SMCHD1: variants seen among roughly 807,000 people sequenced by gnomAD.
The protein encoded by SMCHD1 is structural maintenance of chromosomes flexible hinge domain-containing protein 1.
A neutral mutation model predicts 254.7 loss-of-function variants in SMCHD1; 78 were observed. That is an observed-to-expected ratio of 0.31 (90% CI 0.26 to 0.37). The LOEUF (loss-of-function observed/expected upper bound fraction) is 0.37. Among genes scored for constraint, SMCHD1 ranks in the 10% least tolerant of loss-of-function variants. SMCHD1 has a pLI of 1.00. For missense variants in SMCHD1, 1,840 were observed against 2,408.1 expected, an observed-to-expected ratio of 0.76 and a Z score of 4.94; for synonymous variants, 766 against 794.9, an observed-to-expected ratio of 0.96 and a Z score of 0.61.
intron 3 of SMCHD1, among the ~76,000 whole-genome samples, chr18:2,672,485 C>G (rs1230409875): frequency 6.6e-6 from 1 of 152,186 alleles, no homozygotes; most frequent in African/African-American, 2.4e-5. Context: ...GCCTCGGCCT[C>G]CCAAAGTGTT....
chr18:2,719,837 G>A lies in SMCHD1; in HGVS notation c.2458+1403G>A, dbSNP rs1023257140. 4.0e-5 allele frequency among the ~76,000 whole-genome samples: 6 copies of A among 151,796 alleles called. 1 individual carries two copies. Among genetic ancestry groups the A allele is most frequent in the South Asian group, 4.1e-4 (2 of 4,822 alleles). ...ATTACAGGCGTATGCCACCACGCCC[G>A]GCTAATTTTGTATTTTCAGTAGAGA... On this transcript the variant is annotated intron_variant, in intron 19 of 47. Coordinates refer to ENST00000320876, the MANE Select transcript of SMCHD1 (RefSeq NM_015295.3).
chr18:2,720,416 T>A (rs1333164654), intron 19 of SMCHD1, among the ~76,000 whole-genome samples: 3 of 152,232 alleles, frequency 2.0e-5, no homozygotes, highest in Non-Finnish European at 4.4e-5. Flanking sequence ...TGGGGGTTTT[T>A]CTTACAGCGT....
At chr18:2,776,064 A>T (rs1340501005) in intron 42 of SMCHD1, 140 bp downstream of exon 42, 1 of 746,646 alleles carries the variant, frequency 1.3e-6, no homozygotes, top group East Asian at 2.9e-5. Context: ...TTTTGTCTTC[A>T]TCACAAATGG....
At chr18:2,751,577 T>C (rs2075572525) in intron 33 of SMCHD1, among the ~76,000 whole-genome samples, 184 bp downstream of exon 33, 1 of 152,146 alleles carries the variant, frequency 6.6e-6, no homozygotes, top group Non-Finnish European at 1.5e-5. Context: ...ATTGATGCTA[T>C]TGAAAAAGAG....
At chr18:2,747,792 A>T in intron 30 of SMCHD1, 145 bp downstream of exon 30, 1 of 706,026 alleles carries the variant, frequency 1.4e-6, no homozygotes, top group Non-Finnish European at 2.2e-6. Context: ...AACCTCAAAA[A>T]TTTTTAAAAT....
At chr18:2,748,382 G>GTT (rs2075504672) in intron 30 of SMCHD1, among the ~76,000 whole-genome samples, 1 of 32,230 alleles carries the variant, frequency 3.1e-5, no homozygotes, top group Non-Finnish European at 7.9e-5. Flanking sequence ...GTGTGTGTGT[G>GTT]TATATAAATT....
intron 47 of SMCHD1, chr18:2,796,730 A>C: frequency 2.0e-6 from 1 of 507,376 alleles, no homozygotes. Flanking sequence ...ACAGGCATGC[A>C]CCACCATGCT....
intron 26 of SMCHD1, among the ~76,000 whole-genome samples, 174 bp downstream of exon 26, chr18:2,738,719 T>G (rs2075296233): frequency 6.6e-6 from 1 of 152,236 alleles, no homozygotes; most frequent in Non-Finnish European, 1.5e-5. Flanking sequence ...ATCACTGTAA[T>G]CTTGCACTGA....
chr18:2,770,147 G>A, intron 39 of SMCHD1, 39 bp downstream of exon 39: 1 of 1,583,346 alleles, frequency 6.3e-7, no homozygotes. Context: ...TTATGCTTTG[G>A]GGAATGATGA....
chr18:2,767,494 A>C (rs1471261532), intron 37 of SMCHD1, among the ~76,000 whole-genome samples: 1 of 149,800 alleles, frequency 6.7e-6, no homozygotes, highest in African/African-American at 2.5e-5. Flanking sequence ...TCATCAGGTG[A>C]TTTCATTGTT....
In SMCHD1 at chr18:2,688,406, A is replaced by G. The variant is rs1409746539; in HGVS notation, c.651A>G (p.Gly217=). The change falls in exon 6 of 48, where the codon GGA becomes GGG. Residue 217 remains glycine, a synonymous_variant. Transcript: ENST00000320876. The part of the protein sequence containing the change: ...RQGDFESDHS[G]YVRPVPVPRS... Reference sequence around the variant, plus strand: ...TGTTTTATTTTAGTGATCATTCAGGATATGTTCGTCCAGTACCAGTGCCAC... The same window carrying G: ...TGTTTTATTTTAGTGATCATTCAGGGTATGTTCGTCCAGTACCAGTGCCAC... The G allele has an allele frequency of 6.2e-7, 1 of 1,611,470 alleles. No individual in the cohort carries two copies. The highest frequency in any genetic ancestry group is 8.5e-7 in the Non-Finnish European group (1 of 1,177,650).
chr18:2,766,660 T>C (rs939156346), intron 37 of SMCHD1, among the ~76,000 whole-genome samples: 25 of 152,380 alleles, frequency 1.6e-4, no homozygotes, highest in Admixed American at 4.6e-4. Context: ...AAAGTTACAA[T>C]CTAAATTTGT....
At chr18:2,660,260 A>C (rs1336834278) in intron 1 of SMCHD1, among the ~76,000 whole-genome samples, 1 of 152,080 alleles carries the variant, frequency 6.6e-6, no homozygotes, top group Admixed American at 6.5e-5. Context: ...GGGAGTCGGA[A>C]GTTGCAGCGA....
chr18:2,678,969 T>G (rs1045675863), intron 5 of SMCHD1, among the ~76,000 whole-genome samples: 13 of 151,138 alleles, frequency 8.6e-5, no homozygotes, highest in Non-Finnish European at 1.5e-4. Context: ...TGCCTCAGCC[T>G]CCCAAGTAGC....
intron 7 of SMCHD1, among the ~76,000 whole-genome samples, chr18:2,694,197 C>T (rs2074241823): frequency 6.6e-6 from 1 of 152,218 alleles, no homozygotes; most frequent in South Asian, 2.1e-4. Flanking sequence ...TCATTCTACC[C>T]TAGGGGTAAG....
chr18:2,776,046 TAC>T, intron 42 of SMCHD1, 122 bp downstream of exon 42: 1 of 871,526 alleles, frequency 1.1e-6, no homozygotes, highest in Non-Finnish European at 1.7e-6. Flanking sequence ...TTGAATTATA[TAC>T]GTTATTTTTG....
In SMCHD1 at chr18:2,704,767, A is replaced by G. The variant is rs373991366; in HGVS notation, c.1842+881A>G. The stretch of plus-strand genomic sequence containing the variant: ...AGGTAGAAGGCTCTCTGTTCTCTCC[A>G]TAAATGAGAGATACCATCATATATT... On this transcript the variant is annotated intron_variant, in intron 13 of 47. Transcript: ENST00000320876. Among the ~76,000 whole-genome samples the G allele has an allele frequency of 9.9e-5, 15 of 152,282 alleles. No individual in the cohort carries two copies. The South Asian group carries it at 1.4e-3, about 15-fold the overall frequency.
chr18:2,687,793 C>T (rs2074085819), intron 5 of SMCHD1, among the ~76,000 whole-genome samples: 1 of 152,146 alleles, frequency 6.6e-6, no homozygotes, highest in African/African-American at 2.4e-5. Flanking sequence ...CTAATTCTCT[C>T]CAGCTATGTC....
At chr18:2,739,972 T>C (rs1051593172) in intron 27 of SMCHD1, among the ~76,000 whole-genome samples, 1 of 151,866 alleles carries the variant, frequency 6.6e-6, no homozygotes, top group Non-Finnish European at 1.5e-5. Flanking sequence ...CTGGGGTACA[T>C]GTGCAGAACG....
Sources: gnomAD v4.1 joint callset for allele counts (sites outside exome capture counted in the v4.1 genomes callset) on GRCh38, gnomAD v4.1.1 for gene constraint, MANE v1.5 for transcripts, NCBI Gene and HGNC (gene_info 2026-07-23, HGNC 2026-07-21) for gene names.